The following LDHA variants were observed in gnomAD, a reference collection of about 807,000 sequenced individuals.
The protein encoded by LDHA is lactate dehydrogenase A, also known as L-lactate dehydrogenase A chain.
A neutral mutation model predicts 36.3 loss-of-function variants in LDHA; 10 were observed. The observed-to-expected ratio is 0.28, with a 90% CI of 0.17 to 0.47. The LOEUF is 0.47. LDHA is among the 20% of genes least tolerant of loss of function. The pLI, the probability that LDHA is intolerant of heterozygous loss-of-function variation, is 0.99. For missense variants in LDHA, 267 were observed against 405.8 expected (o/e 0.66, Z 2.94); for synonymous variants, 110 against 136.7 (o/e 0.80, Z 1.36).
chr11:18,396,676 G>C (rs1866316494), intron 1 of LDHA, 143 bp from the exon 2 acceptor site: 1 of 1,373,310 alleles, frequency 7.3e-7, no homozygotes, highest in African/African-American at 1.5e-5. Context: ...GCAACCATTA[G>C]GTTTTTTCCC....
At position 18,401,479 on chromosome 11, in the gene LDHA, T is replaced by TTTTTTC. The variant is rs1866497006; in HGVS notation, c.418+474_418+475insCTTTTT. Among the ~76,000 whole-genome samples, 6 of 89,608 alleles carry TTTTTTC rather than the reference T, an allele frequency of 6.7e-5. No individual in the cohort carries two copies. The South Asian group carries it at 2.7e-3, about 41-fold the overall frequency. 58.8% of individuals were successfully genotyped at this position (89,608 alleles called of 152,430 possible). ...TATTGATTCATTTATTTTTCTTTTTTTTTTTTTTTTTTTTTTGAGACGGAG... is the reference window on the plus strand; with the variant it reads ...TATTGATTCATTTATTTTTCTTTTTTTTTTTCTTTTTTTTTTTTTTTTGAGACGGAG... On this transcript the variant is annotated intron_variant, in intron 4 of 7. Transcript: ENST00000422447.
At chr11:18,398,274 T>C (rs1429751459) in intron 2 of LDHA, among the ~76,000 whole-genome samples, 3 of 152,224 alleles carry the variant, frequency 2.0e-5, no homozygotes, top group Non-Finnish European at 4.4e-5. Flanking sequence ...TTGCCAGTAT[T>C]ATACACTGCA....
chr11:18,402,490 GT>G (rs774827012), intron 4 of LDHA: 5 of 293,060 alleles, frequency 1.7e-5, no homozygotes, highest in Non-Finnish European at 3.3e-5. Flanking sequence ...TAGAGATGGG[GT>G]TTTGCTATGT....
At chr11:18,402,649 TA>T (rs1866547527) in intron 4 of LDHA, 190 bp from the exon 5 acceptor site, 1 of 581,526 alleles carries the variant, frequency 1.7e-6, no homozygotes, top group African/African-American at 1.9e-5. Flanking sequence ...TGTAGAGGCT[TA>T]AAAATATTAA....
chr11:18,394,740 C>T (rs2134014198), intron 1 of LDHA, 104 bp downstream of exon 1: 2 of 444,258 alleles, frequency 4.5e-6, no homozygotes, highest in African/African-American at 2.0e-5. Flanking sequence ...TTCCTGCTCC[C>T]GGGAGGTGTA....
At chr11:18,404,077 T>C (rs770697397) in intron 6 of LDHA, among the ~76,000 whole-genome samples, 1 of 151,982 alleles carries the variant, frequency 6.6e-6, no homozygotes, top group Non-Finnish European at 1.5e-5. Flanking sequence ...ACTACAGGCA[T>C]ATGCCATGAC....
chr11:18,397,039 A>G, intron 2 of LDHA, 71 bp downstream of exon 2: 1 of 1,329,590 alleles, frequency 7.5e-7, no homozygotes. Context: ...CTACCCCTAG[A>G]ACTGTATTAT....
intron 7 of LDHA, chr11:18,406,648 G>A (rs918407495): frequency 1.9e-5 from 3 of 156,192 alleles, no homozygotes; most frequent in Admixed American, 1.9e-4. Context: ...CCCAGGAGGT[G>A]GAGGTTGCAG....
At position 18,402,989 on chromosome 11, in the gene LDHA, C is replaced by T. The variant is rs201252408; in HGVS notation, c.568C>T (p.Leu190Phe). The change falls in exon 5 of 8, where the codon CTT becomes TTT. Residue 190 changes from leucine to phenylalanine, a missense_variant. Coordinates refer to ENST00000422447, the MANE Select transcript of LDHA (RefSeq NM_005566.4). Reference protein sequence around the residue: ...VHPLSCHGWVLGEHGDSSVPV... With the variant: ...VHPLSCHGWVFGEHGDSSVPV... ...CCCATTAAGCTGTCATGGGTGGGTC[C>T]TTGGGGAACATGGAGATTCCAGTGG... The T allele has an allele frequency of 6.2e-7, 1 of 1,613,528 alleles. No individual in the cohort carries two copies. The highest frequency in any genetic ancestry group is 8.5e-7 in the Non-Finnish European group (1 of 1,179,524).
chr11:18,400,981 A>C lies in LDHA; in HGVS notation c.389A>C (p.Asn130Thr). 1 of 1,613,380 alleles carries C rather than the reference A, an allele frequency of 6.2e-7. No homozygotes were observed. Among genetic ancestry groups the C allele is most frequent in the Non-Finnish European group, 8.5e-7 (1 of 1,179,690 alleles). The change falls in exon 4 of 8, where the codon AAC becomes ACC. Residue 130 changes from asparagine to threonine, a missense_variant. By Grantham distance (65) the Asn-to-Thr change is moderately conservative. Transcript: ENST00000422447. ...CCTAATGTTGTAAAATACAGCCCGA[A>C]CTGCAAGTTGCTTATTGTTTCAAAT... ...IIPNVVKYSP[N>T]CKLLIVSNPV...
intron 6 of LDHA, 35 bp from the exon 7 acceptor site, chr11:18,405,414 T>A (rs767946655): frequency 1.2e-6 from 2 of 1,610,714 alleles, no homozygotes; most frequent in Admixed American, 3.3e-5. Context: ...CCACCCTGCT[T>A]TTTCTGCCTT....
At chr11:18,394,747 T>G (rs1590210254) in intron 1 of LDHA, 111 bp downstream of exon 1, 2 of 437,858 alleles carry the variant, frequency 4.6e-6, no homozygotes, top group Admixed American at 4.9e-5. Context: ...TCCCGGGAGG[T>G]GTAGGAGCCG....
At chr11:18,396,461 G>T (rs1866307019) in intron 1 of LDHA, 1 of 550,250 alleles carries the variant, frequency 1.8e-6, no homozygotes, top group South Asian at 7.1e-5. Flanking sequence ...TGAGAAGCCT[G>T]GCTGTGTCCT....
chr11:18,401,955 C>CTCTTTTTTTTTTTTT (rs59534512), intron 4 of LDHA, among the ~76,000 whole-genome samples: 17 of 52,266 alleles, frequency 3.3e-4, no homozygotes, highest in Non-Finnish European at 4.5e-4. Flanking sequence ...TTGTTATTCT[C>CTCTTTTTTTTTTTTT]TTTTTTTTTT....
At chr11:18,397,141 G>A (rs976201147) in intron 2 of LDHA, 173 bp downstream of exon 2, 1 of 584,740 alleles carries the variant, frequency 1.7e-6, no homozygotes, top group African/African-American at 1.8e-5. Context: ...CACCAAAAGT[G>A]TATCTGAAAT....
chr11:18,405,407 C>T (rs755472354), intron 6 of LDHA, 42 bp from the exon 7 acceptor site: 3 of 1,608,338 alleles, frequency 1.9e-6, no homozygotes, highest in East Asian at 2.2e-5. Flanking sequence ...CTTTCTCCCA[C>T]CCTGCTTTTT....
Position 18,404,807 on chromosome 11 carries a change from C to CAAAAA in LDHA, c.711-636_711-632dup, listed in dbSNP as rs10684351. 4.0e-5 allele frequency among the ~76,000 whole-genome samples: 5 copies of CAAAAA among 125,616 alleles called. No individual in the cohort carries two copies. In the Admixed American group the frequency reaches 4.4e-4, roughly 11 times the overall value. 82.4% of individuals were successfully genotyped at this position (125,616 alleles called of 152,430 possible). A position where few individuals can be genotyped will look rare whatever the true frequency, so the allele number is the denominator to read the frequency against. On this transcript the variant is annotated intron_variant, in intron 6 of 7. Coordinates refer to ENST00000422447, the MANE Select transcript of LDHA (RefSeq NM_005566.4). ...TGGGCGACAGAGCGAGACTCCGTCT[C>CAAAAA]AAAAAAAAAAGAATCATAATCTTTA...
At position 18,408,259 on chromosome 11, in the gene LDHA, C is replaced by G. The variant is rs1339439000; in HGVS notation, c.*978C>G. The G allele has an allele frequency of 2.2e-6, 1 of 452,348 alleles. No individual in the cohort carries two copies. Among genetic ancestry groups the G allele is most frequent in the South Asian group, 1.6e-5 (1 of 64,134 alleles). 28.0% of individuals were successfully genotyped at this position (452,348 alleles called of 1,614,324 possible). ...CTATAATCCCAGCACTTTGGGAAGC[C>G]CAGGTGGGCTGATCACTGGAGGCCA... is the stretch of plus-strand genomic sequence containing the variant. On this transcript the variant is annotated 3_prime_UTR_variant, in exon 8 of 8. Transcript: ENST00000422447.
At chr11:18,404,901 C>A (rs1866630269) in intron 6 of LDHA, among the ~76,000 whole-genome samples, 1 of 151,690 alleles carries the variant, frequency 6.6e-6, no homozygotes, top group South Asian at 2.1e-4. Context: ...TTAAATAAAA[C>A]CTGTGAACCC....
Sources: gnomAD v4.1 joint callset for allele counts (sites outside exome capture counted in the v4.1 genomes callset) on GRCh38, gnomAD v4.1.1 for gene constraint, MANE v1.5 for transcripts, NCBI Gene and HGNC (gene_info 2026-07-23, HGNC 2026-07-21) for gene names.